The following GSG1L variants were observed in gnomAD, a reference collection of about 807,000 sequenced individuals.
The protein encoded by GSG1L is GSG1 like.
GSG1L carries 24 observed loss-of-function variants against 42.1 expected under a neutral mutation model. That is an observed-to-expected ratio of 0.57 (90% confidence interval 0.41 to 0.80). The LOEUF is 0.80. Among genes scored for constraint, GSG1L ranks in the 30% least tolerant of loss-of-function variants. GSG1L has a pLI of 0.00. For missense variants in GSG1L, 445 were observed against 472.2 expected, an observed-to-expected ratio of 0.94 and a Z score of 0.53; for synonymous variants, 215 against 203.5, an observed-to-expected ratio of 1.06 and a Z score of -0.48.
At position 27,917,287 on chromosome 16, in the gene GSG1L, C is replaced by A. The variant is rs117024554; in HGVS notation, c.398-32649G>T. The stretch of plus-strand genomic sequence containing the variant: ...GAAGATGAACCTCATGCAGTCCTGA[C>A]CTTAAAGTGCTCAAATGTAGAAGAG... On this transcript the variant is annotated intron_variant, in intron 2 of 6. Coordinates refer to ENST00000447459, the MANE Select transcript of GSG1L (RefSeq NM_001109763.2). Among the ~76,000 whole-genome samples, 32 of 151,868 alleles carry A rather than the reference C, an allele frequency of 2.1e-4. No homozygotes were observed. The East Asian group carries it at 6.0e-3, about 28-fold the overall frequency.
chr16:27,878,941 G>T (rs1463885461), intron 3 of GSG1L, among the ~76,000 whole-genome samples: 2 of 152,198 alleles, frequency 1.3e-5, no homozygotes, highest in Non-Finnish European at 2.9e-5. Context: ...GGGTAAGGGG[G>T]TTCTGGCTAA....
At chr16:27,912,157 T>C (rs1285105701) in intron 2 of GSG1L, among the ~76,000 whole-genome samples, 1 of 152,168 alleles carries the variant, frequency 6.6e-6, no homozygotes, top group African/African-American at 2.4e-5. Context: ...TCACCATCCA[T>C]GTACCCAAGC....
At chr16:27,936,835 CA>C (rs2084723728) in intron 2 of GSG1L, among the ~76,000 whole-genome samples, 1 of 152,194 alleles carries the variant, frequency 6.6e-6, no homozygotes, top group African/African-American at 2.4e-5. Flanking sequence ...GTTCCATTTG[CA>C]AGGGCCACTC....
chr16:28,047,486 A>G (rs937493204), intron 1 of GSG1L, among the ~76,000 whole-genome samples: 2 of 152,206 alleles, frequency 1.3e-5, no homozygotes, highest in Admixed American at 6.5e-5. Flanking sequence ...AGAAATAAAT[A>G]GTATTTGTTT....
intron 1 of GSG1L, among the ~76,000 whole-genome samples, chr16:28,049,730 A>G (rs1026635164): frequency 6.6e-6 from 1 of 151,826 alleles, no homozygotes; most frequent in African/African-American, 2.4e-5. Context: ...TAAAGTGATC[A>G]ATCAGCAAGG....
At chr16:28,038,602 T>C (rs573161864) in intron 1 of GSG1L, among the ~76,000 whole-genome samples, 1 of 152,062 alleles carries the variant, frequency 6.6e-6, no homozygotes, top group Non-Finnish European at 1.5e-5. Flanking sequence ...GTCTCCATGG[T>C]TACCCTGAGC....
chr16:27,985,422 C>T lies in GSG1L; in HGVS notation c.350-22219G>A, dbSNP rs142789381. Among the ~76,000 whole-genome samples the T allele has an allele frequency of 7.7e-4, 118 of 152,332 alleles. 1 individual carries two copies. Among genetic ancestry groups the T allele is most frequent in the African/African-American group, 2.8e-3 (117 of 41,586 alleles). ...GCTCTCTCTCTCACCATGGGACACA[C>T]TGCCTTCCCCTTCACCATCCGCCAT... On this transcript the variant is annotated intron_variant, in intron 1 of 6. Transcript: ENST00000447459.
In GSG1L at chr16:27,945,908, G is replaced by T. The variant is rs544422940; in HGVS notation, c.397+17248C>A. 5.8e-4 allele frequency among the ~76,000 whole-genome samples: 88 copies of T among 152,354 alleles called. 1 individual carries two copies. In the South Asian group the frequency reaches 0.013, roughly 23 times the overall value. ...ATGAGGCCACAGGAGCCAGCAGATG[G>T]GATGCCTGATGAGCAGAGGGTAACT... On this transcript the variant is annotated intron_variant, in intron 2 of 6. Transcript: ENST00000447459.
intron 1 of GSG1L, among the ~76,000 whole-genome samples, chr16:27,985,330 T>C (rs2085369351): frequency 1.3e-5 from 2 of 152,058 alleles, no homozygotes; most frequent in South Asian, 4.1e-4. Flanking sequence ...AGGGAGTTCT[T>C]GGTCTGTTAG....
At chr16:27,983,164 G>A (rs2085343337) in intron 1 of GSG1L, among the ~76,000 whole-genome samples, 1 of 151,980 alleles carries the variant, frequency 6.6e-6, no homozygotes, top group South Asian at 2.1e-4. Context: ...TTGAAACCCT[G>A]TTTCTACTGA....
intron 1 of GSG1L, among the ~76,000 whole-genome samples, chr16:27,992,015 G>A (rs1333081097): frequency 6.6e-6 from 1 of 152,120 alleles, no homozygotes; most frequent in Non-Finnish European, 1.5e-5. Flanking sequence ...CAAGAGCGAC[G>A]CCATCTGGAA....
At chr16:28,006,260 G>A (rs1021084639) in intron 1 of GSG1L, among the ~76,000 whole-genome samples, 41 of 151,984 alleles carry the variant, frequency 2.7e-4, no homozygotes, top group Non-Finnish European at 4.4e-4. Flanking sequence ...TAGAGCCTCC[G>A]GAACAAGGCA....
At chr16:27,970,289 A>G (rs964366134) in intron 1 of GSG1L, among the ~76,000 whole-genome samples, 2 of 151,610 alleles carry the variant, frequency 1.3e-5, no homozygotes, top group African/African-American at 2.4e-5. Context: ...TTAAAAATAG[A>G]GGCTGGGTAT....
At chr16:27,946,695 T>G (rs57518683) in intron 2 of GSG1L, among the ~76,000 whole-genome samples, 1 of 103,248 alleles carries the variant, frequency 9.7e-6, no homozygotes, top group Non-Finnish European at 2.3e-5. Flanking sequence ...AAAGAAAGAA[T>G]TAAATGAAGC....
At chr16:28,062,198 C>T (rs1212561940) in intron 1 of GSG1L, among the ~76,000 whole-genome samples, 4 of 152,198 alleles carry the variant, frequency 2.6e-5, no homozygotes, top group Non-Finnish European at 5.9e-5. Flanking sequence ...ACCAGCTGTC[C>T]GGCAGCTGTC....
intron 1 of GSG1L, among the ~76,000 whole-genome samples, chr16:28,008,001 C>T (rs923370756): frequency 3.3e-5 from 5 of 152,156 alleles, no homozygotes; most frequent in Non-Finnish European, 7.4e-5. Flanking sequence ...ACGCATTTTA[C>T]GAGCCGTTGT....
rs1003638791 is a variant in GSG1L, at chr16:27,787,898, A to G, written c.*3472T>C. 1 of 152,154 alleles carries G rather than the reference A, an allele frequency of 6.6e-6. No individual in the cohort carries two copies. Among genetic ancestry groups the G allele is most frequent in the Non-Finnish European group, 1.5e-5 (1 of 68,036 alleles). 9.4% of individuals were successfully genotyped at this position (152,154 alleles called of 1,614,324 possible). On this transcript the variant is annotated 3_prime_UTR_variant, in exon 7 of 7. Coordinates refer to ENST00000447459, the MANE Select transcript of GSG1L (RefSeq NM_001109763.2). ...CTCTCTTGCATGAGGCCAAAGCCCAAATTCCTTGTTCTGACATTCAAGGCC... is the reference window on the plus strand; with the variant it reads ...CTCTCTTGCATGAGGCCAAAGCCCAGATTCCTTGTTCTGACATTCAAGGCC...
intron 5 of GSG1L, chr16:27,823,932 A>G: frequency 2.8e-6 from 2 of 702,942 alleles, no homozygotes; most frequent in Non-Finnish European, 5.2e-6. Flanking sequence ...AATGGAGGTG[A>G]CAATAACACT....
intron 2 of GSG1L, among the ~76,000 whole-genome samples, chr16:27,959,324 C>G (rs139579978): frequency 1.3e-5 from 2 of 148,996 alleles, no homozygotes; most frequent in Non-Finnish European, 3.0e-5. Flanking sequence ...AAAAATTAGC[C>G]GGGCATGGTG....
Sources: allele counts gnomAD v4.1 joint callset (sites outside exome capture counted in the v4.1 genomes callset), GRCh38; gene constraint gnomAD v4.1.1; transcripts MANE v1.5; gene names NCBI Gene and HGNC (gene_info 2026-07-23, HGNC 2026-07-21).